THSD4: variants seen among roughly 807,000 people sequenced by gnomAD.
The protein encoded by THSD4 is thrombospondin type 1 domain containing 4.
THSD4 carries 69 observed loss-of-function variants against 119.0 expected under a neutral mutation model. The observed-to-expected ratio is 0.58, with a 90% confidence interval of 0.48 to 0.71. The LOEUF is 0.71. THSD4 is among the 30% of genes least tolerant of loss of function. THSD4 has a pLI of 0.00. For missense variants in THSD4, 1,393 were observed against 1,391.1 expected, an observed-to-expected ratio of 1.00 and a Z score of -0.02; for synonymous variants, 524 against 540.4, an observed-to-expected ratio of 0.97 and a Z score of 0.42.
chr15:71,640,848 G>T (rs567592266), intron 7 of THSD4, among the ~76,000 whole-genome samples: 1 of 152,156 alleles, frequency 6.6e-6, no homozygotes, highest in African/African-American at 2.4e-5. Flanking sequence ...GAGCAGGGAT[G>T]TAACATATGC....
chr15:71,262,813 G>A (rs764816668), intron 6 of THSD4, among the ~76,000 whole-genome samples: 2 of 152,154 alleles, frequency 1.3e-5, no homozygotes, highest in Non-Finnish European at 2.9e-5. Flanking sequence ...CTTGCCTGCT[G>A]TTCACCTTCC....
At chr15:71,361,912 T>C (rs2045896406) in intron 6 of THSD4, among the ~76,000 whole-genome samples, 1 of 152,182 alleles carries the variant, frequency 6.6e-6, no homozygotes, top group Non-Finnish European at 1.5e-5. Flanking sequence ...GACAAATAAA[T>C]ATACATACAT....
At chr15:71,346,868 C>CTTTTTTTTTTTTT (rs71154763) in intron 6 of THSD4, among the ~76,000 whole-genome samples, 143 of 86,004 alleles carry the variant, frequency 1.7e-3, no homozygotes, top group Middle Eastern at 0.015. Flanking sequence ...TTTTCATTTT[C>CTTTTTTTTTTTTT]TTTTTTTTTT....
intron 6 of THSD4, among the ~76,000 whole-genome samples, chr15:71,272,396 CAAAAAAAA>C (rs61293620): frequency 7.2e-5 from 4 of 55,560 alleles, no homozygotes; most frequent in African/African-American, 1.5e-4. Flanking sequence ...GACTCTGTCT[CAAAAAAAA>C]AAAAAAAAAA....
At chr15:71,463,156 G>C (rs763422734) in intron 7 of THSD4, among the ~76,000 whole-genome samples, 1 of 152,002 alleles carries the variant, frequency 6.6e-6, no homozygotes, top group African/African-American at 2.4e-5. Flanking sequence ...ATTCCTTCTC[G>C]CTGGTCCAGC....
rs75158048 is a variant in THSD4, at chr15:71,606,135, C to G, written c.1153-54395C>G. Among the ~76,000 whole-genome samples, 1,104 of 152,338 alleles carry G rather than the reference C, an allele frequency of 7.2e-3. 4 individuals are homozygous for G. Among genetic ancestry groups the G allele is most frequent in the Non-Finnish European group, 9.9e-3 (676 of 68,032 alleles). The stretch of plus-strand genomic sequence containing the variant: ...TGTCTTCATGTAGTGAGGGCAGAAG[C>G]TTGACTCTGGGTAGTTGAAGAGAAA... On this transcript the variant is annotated intron_variant, in intron 7 of 17. Coordinates refer to ENST00000261862, the MANE Select transcript of THSD4 (RefSeq NM_024817.3).
chr15:71,403,437 C>T (rs1196406894), intron 6 of THSD4, among the ~76,000 whole-genome samples: 1 of 152,150 alleles, frequency 6.6e-6, no homozygotes, highest in Non-Finnish European at 1.5e-5. Context: ...TATTTTGTTT[C>T]TATTCAGGGT....
chr15:71,431,640 T>G (rs1268161963), intron 7 of THSD4, among the ~76,000 whole-genome samples: 1 of 152,110 alleles, frequency 6.6e-6, no homozygotes, highest in African/African-American at 2.4e-5. Flanking sequence ...AGTTTGTTGG[T>G]ATATGATGAT....
chr15:71,539,891 T>C lies in THSD4; in HGVS notation c.1153-120639T>C, dbSNP rs188099041. On this transcript the variant is annotated intron_variant, in intron 7 of 17. Coordinates refer to ENST00000261862, the MANE Select transcript of THSD4 (RefSeq NM_024817.3). Reference sequence around the variant, plus strand: ...CTCTTGTTATGGAGGGCTCACTCTGTATTGATGAAGACAACACATTAATTA... The same window carrying C: ...CTCTTGTTATGGAGGGCTCACTCTGCATTGATGAAGACAACACATTAATTA... Among the ~76,000 whole-genome samples the C allele has an allele frequency of 1.6e-3, 249 of 152,268 alleles. 2 individuals are homozygous for C. Among genetic ancestry groups the C allele is most frequent in the African/African-American group, 5.6e-3 (231 of 41,566 alleles).
chr15:71,395,106 T>G (rs886453709), intron 6 of THSD4, among the ~76,000 whole-genome samples: 1 of 152,172 alleles, frequency 6.6e-6, no homozygotes, highest in African/African-American at 2.4e-5. Context: ...ACAGGCCCAG[T>G]TGAAGAGGGC....
At chr15:71,540,663 A>ATG (rs2048747331) in intron 7 of THSD4, among the ~76,000 whole-genome samples, 1 of 133,278 alleles carries the variant, frequency 7.5e-6, no homozygotes, top group Non-Finnish European at 1.6e-5. Flanking sequence ...TCCTGACCTC[A>ATG]TGATCCACCT....
chr15:71,735,991 C>CA (rs2053088941), intron 10 of THSD4, among the ~76,000 whole-genome samples: 2 of 101,186 alleles, frequency 2.0e-5, no homozygotes, highest in Middle Eastern at 0.011. Flanking sequence ...TGTCTCTGTC[C>CA]CTCTCTGTCT....
chr15:71,189,527 A>G (rs629810), intron 3 of THSD4, among the ~76,000 whole-genome samples: 50,126 of 151,944 alleles, frequency 0.33, 8,355 homozygotes, highest in East Asian at 0.49. Context: ...AAAATTAGCC[A>G]GGCGCAGTGG....
chr15:71,542,184 G>T (rs2140839889), intron 7 of THSD4, among the ~76,000 whole-genome samples: 1 of 152,300 alleles, frequency 6.6e-6, no homozygotes, highest in Non-Finnish European at 1.5e-5. Flanking sequence ...AATAATTACT[G>T]CAGGCAAGAT....
rs556354899 is a variant in THSD4, at chr15:71,723,475, C to A, written c.1358-5074C>A. ...TTCTGTGAATTGCCTATTTATTATT[C>A]TTTGCTTTTCTTTTGAGCTCTTTGC... On this transcript the variant is annotated intron_variant, in intron 8 of 17. Coordinates refer to ENST00000261862, the MANE Select transcript of THSD4 (RefSeq NM_024817.3). Among the ~76,000 whole-genome samples, 12 of 152,150 alleles carry A rather than the reference C, an allele frequency of 7.9e-5. No homozygotes were observed. In the East Asian group the frequency reaches 2.3e-3, roughly 29 times the overall value.
chr15:71,362,262 CAGTGAGACTA>C (rs1276011450), intron 6 of THSD4, among the ~76,000 whole-genome samples: 1 of 152,144 alleles, frequency 6.6e-6, no homozygotes, highest in East Asian at 1.9e-4. Flanking sequence ...CTGGTTGACA[CAGTGAGACTA>C]AGTCTCAAAA....
chr15:71,682,356 A>G (rs1425999176), intron 8 of THSD4, among the ~76,000 whole-genome samples: 2 of 152,240 alleles, frequency 1.3e-5, no homozygotes, highest in East Asian at 3.8e-4. Flanking sequence ...ATGAATTTTC[A>G]CAAAGTGAAC....
chr15:71,190,467 A>G (rs1274006176), intron 3 of THSD4, among the ~76,000 whole-genome samples: 2 of 152,306 alleles, frequency 1.3e-5, no homozygotes, highest in East Asian at 3.9e-4. Flanking sequence ...AGGTGATTCT[A>G]AGGTACGGTT....
At chr15:71,660,806 T>C (rs2051291164) in intron 8 of THSD4, 72 bp downstream of exon 8, 1 of 1,558,144 alleles carries the variant, frequency 6.4e-7, no homozygotes, top group Non-Finnish European at 8.8e-7. Context: ...AACTGTGAGA[T>C]AGACACAGCA....
Sources: gnomAD v4.1 joint callset for allele counts (sites outside exome capture counted in the v4.1 genomes callset) on GRCh38, gnomAD v4.1.1 for gene constraint, MANE v1.5 for transcripts, NCBI Gene and HGNC (gene_info 2026-07-23, HGNC 2026-07-21) for gene names.